The following PVT1 variants were observed in gnomAD, a reference collection of about 807,000 sequenced individuals.
The protein encoded by PVT1 is Pvt1 oncogene.
chr8:128,082,787 T>A (rs1289812510), intron 5 of PVT1: 1 of 152,194 alleles, frequency 6.6e-6, no homozygotes, highest in Admixed American at 6.5e-5. Context: ...GCAGCAGCCA[T>A]CTGGTAATTA....
At chr8:127,967,345 G>A (rs1178487058) in intron 3 of PVT1, among the ~76,000 whole-genome samples, 2 of 152,162 alleles carry the variant, frequency 1.3e-5, no homozygotes, top group Non-Finnish European at 2.9e-5. Flanking sequence ...AAGGAGGAGA[G>A]GAGCCTGGGA....
At chr8:127,896,778 C>CA (rs917730889) in intron 3 of PVT1, among the ~76,000 whole-genome samples, 10 of 130,666 alleles carry the variant, frequency 7.7e-5, no homozygotes, top group African/African-American at 1.6e-4. Context: ...CTTTCCTCCC[C>CA]CCCCCCGCCC....
At chr8:128,085,027 T>G (rs1814239063) in intron 5 of PVT1, among the ~76,000 whole-genome samples, 1 of 152,254 alleles carries the variant, frequency 6.6e-6, no homozygotes, top group African/African-American at 2.4e-5. Flanking sequence ...TCCTTGATAT[T>G]CTTTCCATTG....
chr8:127,942,792 C>T (rs751117076), intron 3 of PVT1, among the ~76,000 whole-genome samples: 14 of 152,178 alleles, frequency 9.2e-5, no homozygotes, highest in South Asian at 6.2e-4. Context: ...CTTGAAGCTG[C>T]GCATCGACTC....
At chr8:127,930,722 C>G (rs942728518) in intron 3 of PVT1, among the ~76,000 whole-genome samples, 2 of 152,068 alleles carry the variant, frequency 1.3e-5, no homozygotes, top group African/African-American at 4.8e-5. Context: ...CACTGACATG[C>G]CCAGGTCTGT....
intron 2 of PVT1, among the ~76,000 whole-genome samples, chr8:127,798,704 CAA>C (rs71300266): frequency 5.4e-5 from 6 of 110,434 alleles, no homozygotes; most frequent in African/African-American, 8.0e-5. Flanking sequence ...ACTAAAAATA[CAA>C]AAAAAAAAAA....
At chr8:127,905,522 A>G in intron 3 of PVT1, among the ~76,000 whole-genome samples, 1 of 152,120 alleles carries the variant, frequency 6.6e-6, no homozygotes, top group East Asian at 1.9e-4. Context: ...TTTCACATCC[A>G]TTGGTCATTT....
chr8:127,967,060 G>C (rs752236), intron 3 of PVT1, among the ~76,000 whole-genome samples: 102 of 152,214 alleles, frequency 6.7e-4, no homozygotes, highest in African/African-American at 2.4e-3. Flanking sequence ...ACTTTAATTC[G>C]AGGGTGGCAC....
chr8:127,937,576 C>CAGAGAGAGAGAGAGAGAGAGAG (rs774441674), intron 3 of PVT1, among the ~76,000 whole-genome samples: 14 of 122,538 alleles, frequency 1.1e-4, no homozygotes, highest in Admixed American at 2.4e-4. Context: ...CACACACACA[C>CAGAGAGAGAGAGAGAGAGAGAG]ACACAGAGAG....
At chr8:127,930,075 CTG>C (rs1211387856) in intron 3 of PVT1, among the ~76,000 whole-genome samples, 3 of 152,150 alleles carry the variant, frequency 2.0e-5, no homozygotes, top group African/African-American at 7.2e-5. Flanking sequence ...AAAGGATTTG[CTG>C]TGTGTTCCCA....
At chr8:127,827,880 G>GT (rs1814808531) in intron 2 of PVT1, among the ~76,000 whole-genome samples, 1 of 152,072 alleles carries the variant, frequency 6.6e-6, no homozygotes, top group South Asian at 2.1e-4. Context: ...CCCCTGTGCC[G>GT]TATTTCCCTC....
rs1815320186 is a variant in PVT1 at position 127,868,808 on chromosome 8, T to TATATATGTAC, written n.373-21775_373-21774insGTACATATAT. Among the ~76,000 whole-genome samples, 122 of 110,438 alleles carry TATATATGTAC rather than the reference T, an allele frequency of 1.1e-3. 2 individuals are homozygous for TATATATGTAC. The highest frequency in any genetic ancestry group is 4.1e-3 in the Middle Eastern group (1 of 242). The allele number at this position is 110,438 out of a possible 152,430, so 72.5% of individuals were successfully genotyped here. Reference sequence around the variant, plus strand: ...ATATATATATACATATATATGTACATATATATATATATGTATGTATTATCT... The same window carrying TATATATGTAC: ...ATATATATATACATATATATGTACATATATATGTACATATATATATATGTATGTATTATCT... On this transcript the variant is annotated intron_variant and non_coding_transcript_variant, in intron 2 of 10. Transcript: ENST00000651587.
At position 127,874,936 on chromosome 8, in the gene PVT1, G is replaced by GT. The variant is rs1491065539; in HGVS notation, n.373-15653_373-15652insT. ...TGTGTGTGTGTGTGTGTGTGTGTGT[G>GT]GGTGTGTGGCCCTGGGCTGCACTGT... On this transcript the variant is annotated intron_variant and non_coding_transcript_variant, in intron 2 of 10. Transcript: ENST00000651587. Among the ~76,000 whole-genome samples the GT allele has an allele frequency of 6.8e-3, 1,015 of 150,282 alleles. 18 individuals are homozygous for GT. Among genetic ancestry groups the GT allele is most frequent in the African/African-American group, 0.024 (946 of 39,874 alleles).
At chr8:127,963,536 AT>A (rs1219522304) in intron 3 of PVT1, among the ~76,000 whole-genome samples, 7 of 152,236 alleles carry the variant, frequency 4.6e-5, no homozygotes, top group Admixed American at 2.6e-4. Flanking sequence ...ACTCTTAGAT[AT>A]TTTTAACTTT....
chr8:128,065,248 G>A (rs1432062783), intron 4 of PVT1, among the ~76,000 whole-genome samples: 1 of 151,940 alleles, frequency 6.6e-6, no homozygotes, highest in Non-Finnish European at 1.5e-5. Flanking sequence ...CTGGAGTGCA[G>A]TGGTGTGATC....
intron 2 of PVT1, among the ~76,000 whole-genome samples, chr8:127,856,373 A>G (rs920176152): frequency 1.6e-4 from 23 of 147,612 alleles, no homozygotes; most frequent in Non-Finnish European, 2.8e-4. Flanking sequence ...TTTTTTTTTG[A>G]GACGGAGTCT....
At chr8:127,918,379 A>T (rs1222952922) in intron 3 of PVT1, among the ~76,000 whole-genome samples, 1 of 152,114 alleles carries the variant, frequency 6.6e-6, no homozygotes, top group Non-Finnish European at 1.5e-5. Flanking sequence ...TCCTCCACGG[A>T]CTTGCTCGGT....
chr8:127,871,721 A>G lies in PVT1; in HGVS notation n.373-18868A>G, dbSNP rs781044563. Among the ~76,000 whole-genome samples, 5 of 152,254 alleles carry G rather than the reference A, an allele frequency of 3.3e-5. No individual in the cohort carries two copies. In the East Asian group the frequency reaches 9.6e-4, roughly 29 times the overall value. On this transcript the variant is annotated intron_variant and non_coding_transcript_variant, in intron 2 of 10. Transcript: ENST00000651587. ...TGGTGCCAGATGTTGATTCAAAAAC[A>G]AAACCCAGCGAAGCATCTGTACTTT... is the stretch of plus-strand genomic sequence containing the variant.
chr8:127,933,571 G>A (rs1156861700), intron 3 of PVT1, among the ~76,000 whole-genome samples: 1 of 152,226 alleles, frequency 6.6e-6, no homozygotes, highest in Non-Finnish European at 1.5e-5. Context: ...GCTGTGTACA[G>A]GGTGGGCAGG....
Sources: allele counts gnomAD v4.1 joint callset (sites outside exome capture counted in the v4.1 genomes callset), GRCh38; gene constraint gnomAD v4.1.1; transcripts MANE v1.5; gene names NCBI Gene and HGNC (gene_info 2026-07-23, HGNC 2026-07-21).